PPIP5K1: variants seen among roughly 807,000 people sequenced by gnomAD.
The protein encoded by PPIP5K1 is diphosphoinositol pentakisphosphate kinase 1.
PPIP5K1 carries 6 observed loss-of-function variants against 27.7 expected under a neutral mutation model. That is an observed-to-expected ratio of 0.22 (90% CI 0.12 to 0.43). PPIP5K1 has a LOEUF of 0.43. Among genes scored for constraint, PPIP5K1 ranks in the 20% least tolerant of loss-of-function variants. The pLI is 1.00. For missense variants in PPIP5K1, 394 were observed against 635.4 expected, an observed-to-expected ratio of 0.62 and a Z score of 4.08; for synonymous variants, 145 against 242.6, an observed-to-expected ratio of 0.60 and a Z score of 3.74.
At chr15:43,551,181 G>A (rs536504842) in intron 30 of PPIP5K1, among the ~76,000 whole-genome samples, 21 of 152,256 alleles carry the variant, frequency 1.4e-4, no homozygotes, top group Admixed American at 4.6e-4. Context: ...CACCAGTGAA[G>A]CCATCTGGTT....
Position 43,534,572 on chromosome 15 carries a change from T to G in PPIP5K1, c.*102A>C, listed in dbSNP as rs1046559156. On this transcript the variant is annotated 3_prime_UTR_variant, in exon 32 of 32. Coordinates refer to ENST00000420765, the MANE Select transcript of PPIP5K1 (RefSeq NM_001394395.1). ...GAAGGGGTGAGTGCTGGTCATGGGC[T>G]AGAGACTGGCTCTGAGGGTTTGGAT... 37 of 1,059,420 alleles carry G rather than the reference T, an allele frequency of 3.5e-5. No individual in the cohort carries two copies. In the African/African-American group the frequency reaches 5.4e-4, roughly 15 times the overall value. 65.6% of individuals were successfully genotyped at this position (1,059,420 alleles called of 1,614,324 possible).
intron 30 of PPIP5K1, among the ~76,000 whole-genome samples, chr15:43,555,258 T>TG (rs1175491204): frequency 2.6e-5 from 4 of 152,160 alleles, no homozygotes; most frequent in Non-Finnish European, 5.9e-5. Flanking sequence ...AGAAAACTGT[T>TG]GGAGTTTTCT....
intron 30 of PPIP5K1, among the ~76,000 whole-genome samples, chr15:43,551,512 T>C: frequency 3.4e-5 from 1 of 29,836 alleles, no homozygotes; most frequent in African/African-American, 1.8e-4. Flanking sequence ...AGCAAGACTC[T>C]GTCTCAAAAA....
chr15:43,565,542 G>A lies in PPIP5K1; in HGVS notation c.3047-550C>T, dbSNP rs560985483. ...TGACCTTTCCCAAGAATGAAAGTAT[G>A]AGGCTCACAATTTTTTTTTTTTTTT... On this transcript the variant is annotated intron_variant, in intron 26 of 31. Transcript: ENST00000420765. 3.4e-5 allele frequency among the ~76,000 whole-genome samples: 5 copies of A among 146,504 alleles called. No individual in the cohort carries two copies. In the East Asian group the frequency reaches 7.9e-4, roughly 23 times the overall value.
At position 43,558,843 on chromosome 15, in the gene PPIP5K1, T is replaced by A. The variant is rs1254111429; in HGVS notation, c.3508A>T (p.Ser1170Cys). 5.0e-6 allele frequency: 8 copies of A among 1,613,982 alleles called. No individual in the cohort carries two copies. The highest frequency in any genetic ancestry group is 2.7e-5 in the African/African-American group (2 of 74,916). The change falls in exon 30 of 32, where the codon AGT (serine) becomes TGT (cysteine). Residue 1170 changes from serine to cysteine, a missense_variant. Physicochemically the swap from Ser to Cys is moderately radical, Grantham distance 112. Coordinates refer to ENST00000420765, the MANE Select transcript of PPIP5K1 (RefSeq NM_001394395.1). ...TCAGTGTGGCGCTGGCAGACTCTAC[T>A]CAAGAATTCACTCACTTGACGTAGG... ...LSLRQVSEFL[S>C]RVCQRHTDAQ...
At chr15:43,549,251 G>A (rs2081900724) in intron 30 of PPIP5K1, among the ~76,000 whole-genome samples, 1 of 151,454 alleles carries the variant, frequency 6.6e-6, no homozygotes, top group Non-Finnish European at 1.5e-5. Context: ...AGTTTTTGGT[G>A]TACAAATCTT....
intron 30 of PPIP5K1, among the ~76,000 whole-genome samples, chr15:43,544,137 T>C (rs181468019): frequency 1.3e-5 from 2 of 152,302 alleles, no homozygotes; most frequent in East Asian, 1.9e-4. Context: ...ATTTCCTTCA[T>C]GCCCTTCAGC....
Position 43,542,647 on chromosome 15 carries a change from A to AGTGTGTGTGTGTGT in PPIP5K1, c.3557-3078_3557-3065dup, listed in dbSNP as rs56361192. Among the ~76,000 whole-genome samples, 40 of 121,362 alleles carry AGTGTGTGTGTGTGT rather than the reference A, an allele frequency of 3.3e-4. 1 individual carries two copies. The highest frequency in any genetic ancestry group is 5.7e-4 in the Non-Finnish European group (33 of 58,304). 79.6% of individuals were successfully genotyped at this position (121,362 alleles called of 152,430 possible). On this transcript the variant is annotated intron_variant, in intron 30 of 31. Transcript: ENST00000420765. ...TTGTGGATTTTTATTATATATATTCAGTGTGTGTGTGTGTGTGTGTGTGTG... is the reference window on the plus strand; with the variant it reads ...TTGTGGATTTTTATTATATATATTCAGTGTGTGTGTGTGTGTGTGTGTGTGTGTGTGTGTGTGTG...
chr15:43,554,359 C>T (rs1179285076), intron 30 of PPIP5K1, among the ~76,000 whole-genome samples: 3 of 151,954 alleles, frequency 2.0e-5, no homozygotes, highest in African/African-American at 7.3e-5. Context: ...GCTATGTTCC[C>T]CAGTTGGAGT....
intron 30 of PPIP5K1, among the ~76,000 whole-genome samples, chr15:43,545,223 T>C (rs1196525744): frequency 6.6e-6 from 1 of 151,320 alleles, no homozygotes; most frequent in Non-Finnish European, 1.5e-5. Context: ...AGGTTAACTA[T>C]AATTCTGTGA....
Position 43,535,189 on chromosome 15 carries a change from C to T in PPIP5K1, c.3958G>A (p.Asp1320Asn). Residue 1320 changes from aspartate (D) to asparagine (N), a missense_variant, in exon 32 of 32, where the codon GAC (aspartate) becomes AAC (asparagine). Coordinates refer to ENST00000420765, the MANE Select transcript of PPIP5K1 (RefSeq NM_001394395.1). ...ATGTCCTGGCATGGCTGGCTGATGTCAGGGACCTCCTGACATGGCTGGCTG... is the reference window on the plus strand; with the variant it reads ...ATGTCCTGGCATGGCTGGCTGATGTTAGGGACCTCCTGACATGGCTGGCTG... ...EVSQPCQEVP[D>N]ISQPCQDISE... The T allele has an allele frequency of 5.6e-6, 9 of 1,614,020 alleles. No homozygotes were observed. Among genetic ancestry groups the T allele is most frequent in the Non-Finnish European group, 7.6e-6 (9 of 1,179,988 alleles).
chr15:43,545,757 T>G (rs2140590966), intron 30 of PPIP5K1, among the ~76,000 whole-genome samples: 1 of 152,298 alleles, frequency 6.6e-6, no homozygotes, highest in African/African-American at 2.4e-5. Context: ...CTTTTAGTAC[T>G]TGCATGGTTT....
intron 30 of PPIP5K1, among the ~76,000 whole-genome samples, chr15:43,552,508 A>G (rs888568734): frequency 1.4e-5 from 2 of 145,236 alleles, no homozygotes; most frequent in Non-Finnish European, 3.0e-5. Context: ...CCTGGGCAAC[A>G]TGGTGAAACT....
intron 30 of PPIP5K1, among the ~76,000 whole-genome samples, chr15:43,551,970 A>C (rs1004881736): frequency 1.9e-4 from 26 of 133,536 alleles, no homozygotes; most frequent in African/African-American, 8.8e-4. Context: ...TAGATTATTG[A>C]TTTCAGATTT....
chr15:43,556,540 CA>C (rs34579673), intron 30 of PPIP5K1, among the ~76,000 whole-genome samples: 447 of 130,424 alleles, frequency 3.4e-3, no homozygotes, highest in Middle Eastern at 4.0e-3. Flanking sequence ...AACTCCATCT[CA>C]AAAAAAAAAA....
chr15:43,537,146 C>A (rs1392847539), intron 31 of PPIP5K1, among the ~76,000 whole-genome samples: 24 of 150,906 alleles, frequency 1.6e-4, no homozygotes. Context: ...ACCAGCCTGA[C>A]CAACATAGTG....
Position 43,533,677 on chromosome 15 carries a change from C to T in PPIP5K1, c.*997G>A, listed in dbSNP as rs913284137. ...TGTTTGGTCTTTGGCCAGTCTGTCC[C>T]TGGCACAACTACAGAAATAAATATA... On this transcript the variant is annotated 3_prime_UTR_variant, in exon 32 of 32. Coordinates refer to ENST00000420765, the MANE Select transcript of PPIP5K1 (RefSeq NM_001394395.1). The T allele has an allele frequency of 1.8e-4, 27 of 152,306 alleles. No homozygotes were observed. Among genetic ancestry groups the T allele is most frequent in the Non-Finnish European group, 4.4e-5 (3 of 68,004 alleles). 9.4% of individuals were successfully genotyped at this position (152,306 alleles called of 1,614,324 possible).
chr15:43,544,957 T>A (rs1165884790), intron 30 of PPIP5K1, among the ~76,000 whole-genome samples: 1 of 152,082 alleles, frequency 6.6e-6, no homozygotes, highest in Admixed American at 6.5e-5. Flanking sequence ...GGTGGGCAGA[T>A]CACGAGGTCA....
rs202228256 is a variant in PPIP5K1 at position 43,535,119 on chromosome 15, C to G, written c.4028G>C (p.Ser1343Thr). 6 of 1,613,810 alleles carry G rather than the reference C, an allele frequency of 3.7e-6. No homozygotes were observed. The East Asian group carries it at 1.3e-4, about 36-fold the overall frequency. Residue 1343 changes from serine to threonine, a missense_variant, in exon 32 of 32, where the codon AGC (serine) becomes ACC (threonine). Transcript: ENST00000420765. Reference sequence around the variant, plus strand: ...GTCATGGTTCTCCTGGCATTGCTGGCTGATGTCAGGGACCTTCTGACATGG... The same window carrying G: ...GTCATGGTTCTCCTGGCATTGCTGGGTGATGTCAGGGACCTTCTGACATGG... ...SQPCQKVPDI[S>T]QQCQENHDNG... is the part of the protein sequence containing the mutation.
Sources: gnomAD v4.1 joint callset for allele counts (sites outside exome capture counted in the v4.1 genomes callset) on GRCh38, gnomAD v4.1.1 for gene constraint, MANE v1.5 for transcripts, NCBI Gene and HGNC (gene_info 2026-07-23, HGNC 2026-07-21) for gene names.